The following CNTNAP5 variants were observed in gnomAD, a reference collection of about 807,000 sequenced individuals.
The protein encoded by CNTNAP5 is contactin associated protein family member 5.
In CNTNAP5, 72 loss-of-function variants were observed where a neutral mutation model predicts 150.2. The observed-to-expected ratio is 0.48, with a 90% CI of 0.40 to 0.58. The LOEUF (loss-of-function observed/expected upper bound fraction) is 0.58, where lower values mean the gene tolerates loss of function less well. Among genes scored for constraint, CNTNAP5 ranks in the 20% least tolerant of loss-of-function variants. CNTNAP5 has a pLI of 0.00. For missense variants in CNTNAP5, 1,636 were observed against 1,626.2 expected, an observed-to-expected ratio of 1.01 and a Z score of -0.10; for synonymous variants, 672 against 619.8, an observed-to-expected ratio of 1.08 and a Z score of -1.25.
At chr2:124,840,934 T>C (rs981473417) in intron 19 of CNTNAP5, among the ~76,000 whole-genome samples, 8 of 152,090 alleles carry the variant, frequency 5.3e-5, no homozygotes, top group Non-Finnish European at 8.8e-5. Flanking sequence ...AGTTACATCA[T>C]TGACATCTTT....
chr2:124,357,231 G>A (rs1335075027), intron 3 of CNTNAP5, among the ~76,000 whole-genome samples: 6 of 152,158 alleles, frequency 3.9e-5, no homozygotes, highest in Middle Eastern at 3.4e-3. Context: ...AGTAGGTTAC[G>A]AAAATTTTCT....
At chr2:124,764,983 A>G (rs1456620579) in intron 16 of CNTNAP5, among the ~76,000 whole-genome samples, 2 of 152,086 alleles carry the variant, frequency 1.3e-5, no homozygotes, top group Non-Finnish European at 2.9e-5. Flanking sequence ...AAGTTTTTTC[A>G]TATGTTCATG....
intron 6 of CNTNAP5, among the ~76,000 whole-genome samples, chr2:124,448,377 A>C (rs1245967772): frequency 1.3e-5 from 2 of 152,050 alleles, no homozygotes; most frequent in Non-Finnish European, 2.9e-5. Flanking sequence ...TATTATATCG[A>C]TTTGCCTGTC....
At chr2:124,599,108 G>C (rs1031308828) in intron 11 of CNTNAP5, among the ~76,000 whole-genome samples, 2 of 152,078 alleles carry the variant, frequency 1.3e-5, no homozygotes, top group East Asian at 3.9e-4. Context: ...CGTCTTCTGC[G>C]TCGCTCACGC....
chr2:124,439,111 G>T (rs1692612998), intron 5 of CNTNAP5, among the ~76,000 whole-genome samples: 1 of 152,180 alleles, frequency 6.6e-6, no homozygotes, highest in African/African-American at 2.4e-5. Context: ...TATGTGTTAA[G>T]TTCTGAGAAT....
chr2:124,766,404 C>CAA lies in CNTNAP5; in HGVS notation c.2533+2269_2533+2270dup, dbSNP rs58567330. On this transcript the variant is annotated intron_variant, in intron 16 of 23. Transcript: ENST00000682447. ...AACTTGAGAGCTCCAGAAAAGGAGA[C>CAA]AAAAAAAAAAAAATGACTGGAGGAG... Among the ~76,000 whole-genome samples, 370 of 125,024 alleles carry CAA rather than the reference C, an allele frequency of 3.0e-3. 2 individuals are homozygous for CAA. Among genetic ancestry groups the CAA allele is most frequent in the East Asian group, 0.013 (54 of 4,116 alleles). 82.0% of individuals were successfully genotyped at this position (125,024 alleles called of 152,430 possible).
chr2:124,087,708 C>A (rs1036551637), intron 1 of CNTNAP5, among the ~76,000 whole-genome samples: 2 of 151,820 alleles, frequency 1.3e-5, no homozygotes, highest in East Asian at 1.9e-4. Context: ...GGCGACAGAG[C>A]GAGATTCCAT....
intron 1 of CNTNAP5, among the ~76,000 whole-genome samples, chr2:124,090,698 G>T (rs1018490535): frequency 6.6e-6 from 1 of 152,136 alleles, no homozygotes; most frequent in African/African-American, 2.4e-5. Flanking sequence ...GAAGAAGGAA[G>T]TAGGTATTGA....
chr2:124,112,005 A>G (rs1451072481), intron 1 of CNTNAP5, among the ~76,000 whole-genome samples: 3 of 152,336 alleles, frequency 2.0e-5, no homozygotes, highest in African/African-American at 7.2e-5. Context: ...GGAGTACCCC[A>G]TCTATGCAAG....
In CNTNAP5 at chr2:124,773,020, A is replaced by C; in HGVS notation, c.2752+3A>C. On this transcript the variant is annotated splice_donor_region_variant and intron_variant, in intron 17 of 23. Transcript: ENST00000682447. ...GCTGAACAGCCAGTTGTTTGTAGGTAGGGGACATCTTAAGGCTCCTTTTGT... is the reference window on the plus strand; with the variant it reads ...GCTGAACAGCCAGTTGTTTGTAGGTCGGGGACATCTTAAGGCTCCTTTTGT... 1 of 1,611,630 alleles carries C rather than the reference A, an allele frequency of 6.2e-7. No homozygotes were observed. Among genetic ancestry groups the C allele is most frequent in the Non-Finnish European group, 8.5e-7 (1 of 1,178,852 alleles).
chr2:124,185,482 C>A (rs1439077471), intron 1 of CNTNAP5, among the ~76,000 whole-genome samples: 1 of 152,196 alleles, frequency 6.6e-6, no homozygotes, highest in Non-Finnish European at 1.5e-5. Flanking sequence ...TCTCAATATG[C>A]AGCCTTCTGC....
intron 21 of CNTNAP5, among the ~76,000 whole-genome samples, chr2:124,879,441 A>G (rs142614848): frequency 6.6e-6 from 1 of 152,216 alleles, no homozygotes; most frequent in East Asian, 1.9e-4. Flanking sequence ...CCAGACTTGG[A>G]TGAGTATCTC....
chr2:124,653,123 A>G (rs1678357087), intron 13 of CNTNAP5, among the ~76,000 whole-genome samples: 3 of 152,182 alleles, frequency 2.0e-5, no homozygotes. Flanking sequence ...CTGTTTACCT[A>G]CCAGTAACAT....
At chr2:124,613,229 C>T (rs1157787479) in intron 12 of CNTNAP5, among the ~76,000 whole-genome samples, 1 of 152,188 alleles carries the variant, frequency 6.6e-6, no homozygotes, top group Non-Finnish European at 1.5e-5. Context: ...ACATGAGTGA[C>T]TTATCACAGT....
intron 4 of CNTNAP5, among the ~76,000 whole-genome samples, chr2:124,417,988 C>T (rs1001764900): frequency 2.6e-5 from 4 of 152,130 alleles, no homozygotes; most frequent in South Asian, 2.1e-4. Context: ...TTCTAGAAGA[C>T]GAGGAGAAAG....
At chr2:124,125,186 C>A (rs960671331) in intron 1 of CNTNAP5, among the ~76,000 whole-genome samples, 9 of 152,114 alleles carry the variant, frequency 5.9e-5, no homozygotes, top group East Asian at 3.9e-4. Flanking sequence ...TGCAGAGGCA[C>A]ATGTAGGCTC....
At chr2:124,207,297 A>G (rs1685887842) in intron 1 of CNTNAP5, among the ~76,000 whole-genome samples, 1 of 152,196 alleles carries the variant, frequency 6.6e-6, no homozygotes, top group Non-Finnish European at 1.5e-5. Flanking sequence ...AGAGAAAGTG[A>G]AAATCCTCTG....
intron 1 of CNTNAP5, among the ~76,000 whole-genome samples, chr2:124,131,535 T>C (rs1205389278): frequency 6.6e-6 from 1 of 152,212 alleles, no homozygotes; most frequent in Non-Finnish European, 1.5e-5. Flanking sequence ...TATCATTGTT[T>C]CAGCAAATTC....
intron 1 of CNTNAP5, among the ~76,000 whole-genome samples, chr2:124,206,772 C>T (rs1340509855): frequency 6.6e-6 from 1 of 152,054 alleles, no homozygotes; most frequent in Admixed American, 6.5e-5. Context: ...CCAGGGAGTA[C>T]CCTAGAAAAT....
Sources: allele counts gnomAD v4.1 joint callset (sites outside exome capture counted in the v4.1 genomes callset), GRCh38; gene constraint gnomAD v4.1.1; transcripts MANE v1.5; gene names NCBI Gene and HGNC (gene_info 2026-07-23, HGNC 2026-07-21).